Variants in TAF1 observed in about 807,000 individuals in gnomAD.
The protein encoded by TAF1 is TATA-box binding protein associated factor 1, also known as transcription initiation factor TFIID subunit 1.
A neutral mutation model predicts 138.5 loss-of-function variants in TAF1; 2 were observed. The observed-to-expected ratio is 0.01, with a 90% CI of 0.01 to 0.05. The LOEUF (loss-of-function observed/expected upper bound fraction) is 0.05, where lower values mean the gene tolerates loss of function less well. TAF1 is among the 10% of genes least tolerant of loss of function. The probability of loss-of-function intolerance (pLI) is 1.00; values close to 1 mark genes in which losing one functional copy is unlikely to be tolerated. For missense variants in TAF1, 709 were observed against 1,478.0 expected, an observed-to-expected ratio of 0.48 and a Z score of 8.53; for synonymous variants, 437 against 503.2, an observed-to-expected ratio of 0.87 and a Z score of 1.76.
chrX:71,381,335 G>A (rs1014948252), intron 8 of TAF1, among the ~76,000 whole-genome samples: 4 of 112,111 alleles, frequency 3.6e-5, no homozygotes, highest in Non-Finnish European at 7.5e-5. Context: ...CACGATCTCA[G>A]CTCACTGCAA....
At chrX:71,525,826 T>C (rs1353197175) in intron 13 of TAF1, among the ~76,000 whole-genome samples, 1 of 107,805 alleles carries the variant, frequency 9.3e-6, no homozygotes, top group Non-Finnish European at 1.9e-5. Flanking sequence ...GCTAATTTTT[T>C]TGTATTTTTT....
intron 32 of TAF1, among the ~76,000 whole-genome samples, chrX:71,451,468 A>AT (rs1268267016): frequency 2.9e-5 from 3 of 102,229 alleles, no homozygotes; most frequent in Non-Finnish European, 6.0e-5. Flanking sequence ...GTTTGTTTTT[A>AT]TTTTTTATTT....
chrX:71,379,163 T>A, intron 8 of TAF1, 132 bp downstream of exon 8: 2 of 643,386 alleles, frequency 3.1e-6, no homozygotes, highest in Non-Finnish European at 4.6e-6. Context: ...TTGCCCAGGA[T>A]GGAGTGCAAT....
downstream of TAF1, among the ~76,000 whole-genome samples, chrX:71,470,388 C>T (rs1374334300): frequency 9.1e-6 from 1 of 109,883 alleles, no homozygotes; most frequent in African/African-American, 3.3e-5. Flanking sequence ...ACAATATTTT[C>T]TGTGTGTATA....
intron 24 of TAF1, 137 bp downstream of exon 24, chrX:71,398,874 C>A: frequency 1.1e-6 from 1 of 903,524 alleles, no homozygotes; most frequent in Non-Finnish European, 1.5e-6. Context: ...GATGTGACTA[C>A]TTGGGGGTGT....
intron 21 of TAF1, 111 bp from the exon 22 acceptor site, chrX:71,393,956 G>T (rs1186876949): frequency 1.2e-6 from 1 of 806,217 alleles, no homozygotes; most frequent in Non-Finnish European, 1.7e-6. Flanking sequence ...AGGGCCCCAT[G>T]TCTTAGTGGA....
chrX:71,432,895 ATAT>A (rs2036960551), intron 32 of TAF1, among the ~76,000 whole-genome samples: 1 of 112,111 alleles, frequency 8.9e-6, no homozygotes, highest in Admixed American at 9.6e-5. Context: ...AAATTACTTT[ATAT>A]CCCCTCTCCA....
chrX:71,470,065 T>A (rs981686368), downstream of TAF1, among the ~76,000 whole-genome samples: 5 of 111,716 alleles, frequency 4.5e-5, no homozygotes, highest in Non-Finnish European at 7.5e-5. Context: ...TTTGAAAAAT[T>A]ATATACATTA....
intron 3 of TAF1, among the ~76,000 whole-genome samples, chrX:71,373,158 G>T (rs751633010): frequency 2.1e-5 from 2 of 96,710 alleles, no homozygotes; most frequent in East Asian, 6.6e-4. Flanking sequence ...GAGCCTCTGT[G>T]CCTGGCCACT....
chrX:71,452,627 G>A (rs759857494), intron 32 of TAF1, among the ~76,000 whole-genome samples: 83 of 111,678 alleles, frequency 7.4e-4, no homozygotes, highest in Middle Eastern at 9.3e-3. Flanking sequence ...TGGGCGGCCA[G>A]GCAGAGATGC....
chrX:71,407,162 C>T (rs916513339), intron 26 of TAF1, among the ~76,000 whole-genome samples: 9 of 107,621 alleles, frequency 8.4e-5, no homozygotes, highest in Non-Finnish European at 1.7e-4. Flanking sequence ...GTAATCCACT[C>T]GCTTTGGCCT....
intron 34 of TAF1, 57 bp from the exon 35 acceptor site, chrX:71,458,184 T>G: frequency 8.5e-7 from 1 of 1,182,708 alleles, no homozygotes; most frequent in Non-Finnish European, 1.1e-6. Flanking sequence ...AGGGGAGTTA[T>G]CTGTATTTAT....
At chrX:71,387,200 C>T (rs2034281975) in intron 14 of TAF1, 61 bp from the exon 15 acceptor site, 2 of 1,131,535 alleles carry the variant, frequency 1.8e-6, no homozygotes, top group Admixed American at 4.5e-5. Flanking sequence ...TCTTTCTCAG[C>T]AGTTGACTGA....
At chrX:71,441,315 A>G (rs193166756) in intron 32 of TAF1, among the ~76,000 whole-genome samples, 3 of 110,961 alleles carry the variant, frequency 2.7e-5, no homozygotes, top group African/African-American at 9.8e-5. Flanking sequence ...TATTTTAGAT[A>G]TATTTATATG....
At chrX:71,528,698 T>A (rs1340647375) in exon 14 of TAF1, 2 of 329,414 alleles carry the variant, frequency 6.1e-6, no homozygotes, top group Non-Finnish European at 1.2e-5. Context: ...TCTTGCTGAC[T>A]TCAAGAATGA....
At chrX:71,469,216 C>T (rs2038833266), downstream of TAF1, among the ~76,000 whole-genome samples, 1 of 111,191 alleles carries the variant, frequency 9.0e-6, no homozygotes. Flanking sequence ...CCCTTGAGCC[C>T]AGGAGTTTAA....
intron 13 of TAF1, among the ~76,000 whole-genome samples, chrX:71,503,314 ATATATATGTG>A (rs759751537): frequency 2.8e-4 from 26 of 91,869 alleles, no homozygotes; most frequent in African/African-American, 1.1e-3. Flanking sequence ...ATATATATAT[ATATATATGTG>A]TGTGTATATA....
chrX:71,448,119 G>C (rs77997828), intron 32 of TAF1, among the ~76,000 whole-genome samples: 1 of 111,785 alleles, frequency 8.9e-6, no homozygotes, highest in East Asian at 2.8e-4. Context: ...TGTCATTCTA[G>C]AAATTCTTTA....
intron 32 of TAF1, among the ~76,000 whole-genome samples, chrX:71,451,486 C>CTT (rs1308093293): frequency 3.1e-5 from 3 of 97,955 alleles, no homozygotes; most frequent in East Asian, 6.2e-4. Context: ...TTTTTTTTTC[C>CTT]TTTTTTTTTT....
Sources: gnomAD v4.1 joint callset for allele counts (sites outside exome capture counted in the v4.1 genomes callset) on GRCh38, gnomAD v4.1.1 for gene constraint, MANE v1.5 for transcripts, NCBI Gene and HGNC (gene_info 2026-07-23, HGNC 2026-07-21) for gene names.